GMDS: variants seen among roughly 807,000 people sequenced by gnomAD.
GMDS encodes the protein GDP-mannose 4,6 dehydratase.
In GMDS, 20 loss-of-function variants were observed where a neutral mutation model predicts 49.9. The observed-to-expected ratio is 0.40, with a 90% CI of 0.28 to 0.58. The LOEUF is 0.58. GMDS is among the 20% of genes least tolerant of loss of function. The pLI is 0.42. For missense variants in GMDS, 362 were observed against 481.4 expected (o/e 0.75, Z 2.32); for synonymous variants, 177 against 178.6 (o/e 0.99, Z 0.07).
chr6:1,850,798 C>A (rs1469585212), intron 7 of GMDS, among the ~76,000 whole-genome samples: 1 of 152,202 alleles, frequency 6.6e-6, no homozygotes, highest in East Asian at 1.9e-4. Flanking sequence ...CTAAGACCAA[C>A]CTCACTTAAG....
intron 4 of GMDS, among the ~76,000 whole-genome samples, chr6:1,981,450 T>C (rs2127347071): frequency 6.6e-6 from 1 of 152,210 alleles, no homozygotes; most frequent in African/African-American, 2.4e-5. Context: ...ATGGATAAAT[T>C]CCTGGACACA....
At chr6:1,928,408 T>G (rs1025932653) in intron 7 of GMDS, among the ~76,000 whole-genome samples, 2 of 152,058 alleles carry the variant, frequency 1.3e-5, no homozygotes, top group Non-Finnish European at 2.9e-5. Context: ...TATGTAGCTC[T>G]ATGCAGATGC....
At chr6:1,873,106 C>T (rs1312066810) in intron 7 of GMDS, among the ~76,000 whole-genome samples, 2 of 152,202 alleles carry the variant, frequency 1.3e-5, no homozygotes, top group African/African-American at 2.4e-5. Flanking sequence ...TTCGGCAAGT[C>T]GCCCAGTTCT....
intron 9 of GMDS, among the ~76,000 whole-genome samples, chr6:1,642,437 G>T (rs932685630): frequency 1.3e-5 from 2 of 152,118 alleles, no homozygotes; most frequent in African/African-American, 4.8e-5. Context: ...CCAAAATGCT[G>T]GGATTACAGG....
At chr6:2,194,161 G>T (rs1053272745) in intron 1 of GMDS, among the ~76,000 whole-genome samples, 3 of 152,120 alleles carry the variant, frequency 2.0e-5, no homozygotes, top group Admixed American at 6.5e-5. Flanking sequence ...CAGCAGTTTG[G>T]ACTGTGTGTG....
chr6:1,864,433 T>C (rs901010005), intron 7 of GMDS, among the ~76,000 whole-genome samples: 2 of 152,190 alleles, frequency 1.3e-5, no homozygotes, highest in African/African-American at 4.8e-5. Flanking sequence ...TAAAAAATGT[T>C]AACTAGAGAT....
chr6:2,107,513 T>C (rs1333579683), intron 4 of GMDS, among the ~76,000 whole-genome samples: 2 of 152,178 alleles, frequency 1.3e-5, no homozygotes, highest in African/African-American at 4.8e-5. Context: ...CATGAAATTA[T>C]AAAATGAAAA....
At chr6:1,717,704 A>C (rs1033991125) in intron 9 of GMDS, 10 of 152,256 alleles carry the variant, frequency 6.6e-5, no homozygotes, top group Non-Finnish European at 1.3e-4. Flanking sequence ...AAGAGCCCAA[A>C]GCATCCTTTC....
At chr6:1,761,324 G>A (rs951246426) in intron 7 of GMDS, among the ~76,000 whole-genome samples, 2 of 152,054 alleles carry the variant, frequency 1.3e-5, no homozygotes, top group Non-Finnish European at 2.9e-5. Flanking sequence ...TTAACTTATC[G>A]AGTATTTGAA....
intron 9 of GMDS, among the ~76,000 whole-genome samples, chr6:1,700,215 G>T (rs1765496676): frequency 6.6e-6 from 1 of 152,148 alleles, no homozygotes; most frequent in South Asian, 2.1e-4. Context: ...ATCTGTATAT[G>T]AGAATTTTTT....
At chr6:1,917,762 G>A (rs753250009) in intron 7 of GMDS, among the ~76,000 whole-genome samples, 10 of 152,164 alleles carry the variant, frequency 6.6e-5, no homozygotes, top group Non-Finnish European at 1.5e-4. Context: ...TGCCCCGAGA[G>A]GCAGGATGCC....
chr6:2,177,761 GC>G (rs1778349424), intron 1 of GMDS, among the ~76,000 whole-genome samples: 1 of 152,108 alleles, frequency 6.6e-6, no homozygotes, highest in Non-Finnish European at 1.5e-5. Flanking sequence ...AAAGCTGGAA[GC>G]ATTCCCCTTC....
intron 1 of GMDS, among the ~76,000 whole-genome samples, chr6:2,140,436 C>T (rs774613397): frequency 1.2e-4 from 19 of 152,206 alleles, no homozygotes; most frequent in Non-Finnish European, 2.6e-4. Context: ...TGTGAGAAGA[C>T]AGCTGTGTTG....
chr6:1,740,659 T>C (rs1767234470), intron 8 of GMDS, among the ~76,000 whole-genome samples: 1 of 151,464 alleles, frequency 6.6e-6, no homozygotes, highest in Non-Finnish European at 1.5e-5. Flanking sequence ...CAACAATGCA[T>C]TTTTCAGTCC....
chr6:1,978,391 T>C (rs1329207903), intron 4 of GMDS, among the ~76,000 whole-genome samples: 8 of 151,978 alleles, frequency 5.3e-5, no homozygotes, highest in Non-Finnish European at 7.4e-5. Flanking sequence ...CCTGGGTTGG[T>C]TGGATAACTC....
At chr6:1,698,866 C>A (rs2113358389) in intron 9 of GMDS, among the ~76,000 whole-genome samples, 1 of 147,048 alleles carries the variant, frequency 6.8e-6, no homozygotes, top group African/African-American at 2.5e-5. Context: ...CTTGTGAATA[C>A]TTTCTTGTCA....
At chr6:1,754,911 T>A (rs761059767) in intron 7 of GMDS, among the ~76,000 whole-genome samples, 3 of 152,232 alleles carry the variant, frequency 2.0e-5, no homozygotes, top group Non-Finnish European at 4.4e-5. Flanking sequence ...CAGCCATTTA[T>A]GACAAACCCA....
intron 4 of GMDS, 56 bp from the exon 5 acceptor site, chr6:1,961,022 C>T (rs1763912502): frequency 9.6e-7 from 1 of 1,040,764 alleles, no homozygotes; most frequent in Non-Finnish European, 1.4e-6. Flanking sequence ...CACAAAGGTG[C>T]TGTCAGCAGG....
rs1041222053 is a variant in GMDS at position 1,959,978 on chromosome 6, G to A, written c.539-7C>T. ...GCATAGAGTTTTGCTGCCCCTGTTGGAATAATTTTTTTTAAGCAATGAAGT... is the reference window on the plus strand; with the variant it reads ...GCATAGAGTTTTGCTGCCCCTGTTGAAATAATTTTTTTTAAGCAATGAAGT... On this transcript the variant is annotated splice_region_variant and splice_polypyrimidine_tract_variant and intron_variant, in intron 5 of 10. Coordinates refer to ENST00000380815, the MANE Select transcript of GMDS (RefSeq NM_001500.4). The A allele has an allele frequency of 1.9e-6, 3 of 1,560,906 alleles. No homozygotes were observed. Among genetic ancestry groups the A allele is most frequent in the Non-Finnish European group, 2.6e-6 (3 of 1,142,732 alleles).
Sources: gnomAD v4.1 joint callset for allele counts (sites outside exome capture counted in the v4.1 genomes callset) on GRCh38, gnomAD v4.1.1 for gene constraint, MANE v1.5 for transcripts, NCBI Gene and HGNC (gene_info 2026-07-23, HGNC 2026-07-21) for gene names.